GALNTL6: variants seen among roughly 807,000 people sequenced by gnomAD.
GALNTL6 encodes the protein polypeptide N-acetylgalactosaminyltransferase like 6.
In GALNTL6, 46 loss-of-function variants were observed where a neutral mutation model predicts 73.7. The observed-to-expected ratio is 0.62, with a 90% CI of 0.49 to 0.80. The LOEUF (loss-of-function observed/expected upper bound fraction) is 0.80. Ranked by LOEUF, GALNTL6 falls within the 30% of genes least tolerant of loss-of-function variation. The pLI is 0.00. For missense variants in GALNTL6, 604 were observed against 755.0 expected (o/e 0.80, Z 2.34); for synonymous variants, 259 against 263.7 (o/e 0.98, Z 0.17).
At chr4:172,347,225 A>C (rs1208239626) in intron 4 of GALNTL6, among the ~76,000 whole-genome samples, 1 of 151,886 alleles carries the variant, frequency 6.6e-6, no homozygotes, top group Non-Finnish European at 1.5e-5. Context: ...CCAGGACTCA[A>C]GTGATCCTCC....
At chr4:172,722,167 C>A (rs1422506320) in intron 5 of GALNTL6, among the ~76,000 whole-genome samples, 1 of 114,876 alleles carries the variant, frequency 8.7e-6, no homozygotes, top group Non-Finnish European at 2.1e-5. Context: ...AGATTCAACT[C>A]TCTTATGTTT....
chr4:172,702,784 G>A (rs1734099699), intron 5 of GALNTL6, among the ~76,000 whole-genome samples: 1 of 151,882 alleles, frequency 6.6e-6, no homozygotes, highest in Non-Finnish European at 1.5e-5. Flanking sequence ...TTTCAGTATA[G>A]CAGCAGGAAT....
intron 2 of GALNTL6, among the ~76,000 whole-genome samples, chr4:171,966,177 A>G (rs1739376641): frequency 6.6e-6 from 1 of 152,170 alleles, no homozygotes; most frequent in Non-Finnish European, 1.5e-5. Context: ...GGGAGATCCT[A>G]AACTGAAGGA....
chr4:172,600,377 T>G (rs1738012301), intron 5 of GALNTL6, among the ~76,000 whole-genome samples: 1 of 152,066 alleles, frequency 6.6e-6, no homozygotes, highest in Non-Finnish European at 1.5e-5. Context: ...TAGAGACATA[T>G]TTAAAACCAC....
At chr4:172,921,972 T>G (rs1163004854) in intron 8 of GALNTL6, among the ~76,000 whole-genome samples, 1 of 152,150 alleles carries the variant, frequency 6.6e-6, no homozygotes, top group Non-Finnish European at 1.5e-5. Flanking sequence ...CACCCAAATC[T>G]CAACTTGAAT....
At chr4:172,938,717 A>G (rs545736044) in intron 9 of GALNTL6, among the ~76,000 whole-genome samples, 1 of 152,304 alleles carries the variant, frequency 6.6e-6, no homozygotes, top group South Asian at 2.1e-4. Flanking sequence ...TTAAAACTGC[A>G]GGGTTCAGAT....
intron 5 of GALNTL6, among the ~76,000 whole-genome samples, chr4:172,588,435 A>G (rs1737505500): frequency 6.6e-6 from 1 of 151,964 alleles, no homozygotes; most frequent in South Asian, 2.1e-4. Flanking sequence ...CTCAGCAAAA[A>G]ATACAAAACT....
chr4:172,242,878 C>T (rs1737496927), intron 3 of GALNTL6, among the ~76,000 whole-genome samples: 1 of 152,230 alleles, frequency 6.6e-6, no homozygotes, highest in Admixed American at 6.5e-5. Context: ...TGTCTCCTGC[C>T]TAAACTATTT....
intron 3 of GALNTL6, among the ~76,000 whole-genome samples, chr4:172,278,774 T>C (rs1738926275): frequency 6.6e-6 from 1 of 152,204 alleles, no homozygotes; most frequent in African/African-American, 2.4e-5. Context: ...AGAACAATTT[T>C]GAAACTGAAA....
At chr4:171,842,081 A>T (rs564893380) in intron 2 of GALNTL6, among the ~76,000 whole-genome samples, 76 of 152,262 alleles carry the variant, frequency 5.0e-4, no homozygotes, top group African/African-American at 1.6e-3. Context: ...CTTTGGAAAG[A>T]CAAATAATCT....
chr4:172,557,534 T>G (rs533261382), intron 5 of GALNTL6, among the ~76,000 whole-genome samples: 1 of 152,238 alleles, frequency 6.6e-6, no homozygotes, highest in South Asian at 2.1e-4. Flanking sequence ...AAAGAATTAT[T>G]TCAACTCACT....
At chr4:172,117,262 A>G (rs1733009974) in intron 2 of GALNTL6, among the ~76,000 whole-genome samples, 1 of 152,168 alleles carries the variant, frequency 6.6e-6, no homozygotes, top group African/African-American at 2.4e-5. Context: ...AGTGAATTAA[A>G]CTGACCGTAT....
intron 5 of GALNTL6, among the ~76,000 whole-genome samples, chr4:172,531,460 C>A (rs1579160200): frequency 6.6e-6 from 1 of 152,318 alleles, no homozygotes; most frequent in South Asian, 2.1e-4. Flanking sequence ...ACAGCTGACA[C>A]GTCCCCTGAC....
At chr4:172,428,940 T>G (rs1380574667) in intron 5 of GALNTL6, among the ~76,000 whole-genome samples, 1 of 151,984 alleles carries the variant, frequency 6.6e-6, no homozygotes, top group Non-Finnish European at 1.5e-5. Flanking sequence ...AAACAGAAAT[T>G]TATTTCTCAC....
intron 5 of GALNTL6, among the ~76,000 whole-genome samples, chr4:172,720,279 T>G (rs547656878): frequency 6.6e-4 from 100 of 152,230 alleles, no homozygotes; most frequent in African/African-American, 2.2e-3. Flanking sequence ...CAGGGTTTTA[T>G]TGAGTGAAAA....
intron 2 of GALNTL6, among the ~76,000 whole-genome samples, chr4:172,174,606 A>G (rs1384097874): frequency 6.6e-6 from 1 of 152,194 alleles, no homozygotes; most frequent in Non-Finnish European, 1.5e-5. Context: ...TATTGATAAA[A>G]AGAAAGATAA....
chr4:172,783,651 C>T lies in GALNTL6; in HGVS notation c.554-25710C>T, dbSNP rs9993208. On this transcript the variant is annotated intron_variant, in intron 5 of 12. Coordinates refer to ENST00000506823, the MANE Select transcript of GALNTL6 (RefSeq NM_001034845.3). Reference sequence around the variant, plus strand: ...AAGCCAGAAGTTAATGAGTCTAATACGGGTAAAATCAAGGTGTTAATAGGG... The same window carrying T: ...AAGCCAGAAGTTAATGAGTCTAATATGGGTAAAATCAAGGTGTTAATAGGG... Among the ~76,000 whole-genome samples the T allele has an allele frequency of 1.7e-3, 262 of 151,718 alleles. 1 individual carries two copies. The highest frequency in any genetic ancestry group is 3.3e-3 in the Non-Finnish European group (223 of 67,882).
At chr4:172,458,728 T>TAC (rs1334150634) in intron 5 of GALNTL6, among the ~76,000 whole-genome samples, 10 of 152,220 alleles carry the variant, frequency 6.6e-5, no homozygotes, top group African/African-American at 2.2e-4. Context: ...ATTAATAGCC[T>TAC]ACCAACTAAT....
intron 2 of GALNTL6, among the ~76,000 whole-genome samples, chr4:172,086,759 T>C (rs1441246466): frequency 6.6e-6 from 1 of 152,160 alleles, no homozygotes; most frequent in East Asian, 1.9e-4. Context: ...CTTCTTATTA[T>C]AAAAAATAGC....
Sources: gnomAD v4.1 joint callset for allele counts (sites outside exome capture counted in the v4.1 genomes callset) on GRCh38, gnomAD v4.1.1 for gene constraint, MANE v1.5 for transcripts, NCBI Gene and HGNC (gene_info 2026-07-23, HGNC 2026-07-21) for gene names.